EXOC4: variants seen among roughly 807,000 people sequenced by gnomAD.
EXOC4 encodes SEC8-like 1.
EXOC4 carries 71 observed loss-of-function variants against 107.2 expected under a neutral mutation model. The ratio of observed to expected loss-of-function variants is 0.66; its 90% CI spans 0.55 to 0.81. EXOC4 has a LOEUF of 0.81. EXOC4 is among the 30% of genes least tolerant of loss of function. The pLI, the probability that EXOC4 is intolerant of heterozygous loss-of-function variation, is 0.00. For missense variants in EXOC4, 1,108 were observed against 1,189.6 expected (o/e 0.93, Z 1.01); for synonymous variants, 456 against 441.2 (o/e 1.03, Z -0.42).
intron 7 of EXOC4, among the ~76,000 whole-genome samples, chr7:133,466,375 A>G (rs968362911): frequency 2.0e-5 from 3 of 152,122 alleles, no homozygotes; most frequent in Admixed American, 6.5e-5. Flanking sequence ...AAAATCAGGA[A>G]ATGAAAGAGG....
chr7:134,040,847 A>G (rs757500571), intron 17 of EXOC4, among the ~76,000 whole-genome samples: 6 of 152,350 alleles, frequency 3.9e-5, no homozygotes, highest in African/African-American at 7.2e-5. Flanking sequence ...ACTATCATCA[A>G]TGGTACTAGT....
chr7:133,287,024 C>T (rs1340002270), intron 2 of EXOC4, among the ~76,000 whole-genome samples: 1 of 152,148 alleles, frequency 6.6e-6, no homozygotes, highest in Non-Finnish European at 1.5e-5. Flanking sequence ...TACTTGGTGC[C>T]TCCTTTTTGG....
In EXOC4 at chr7:133,666,955, A is replaced by C. The variant is rs571404639; in HGVS notation, c.1514+36814A>C. Among the ~76,000 whole-genome samples the C allele has an allele frequency of 2.6e-5, 4 of 152,256 alleles. No homozygotes were observed. The South Asian group carries it at 8.3e-4, about 32-fold the overall frequency. On this transcript the variant is annotated intron_variant, in intron 10 of 17. Coordinates refer to ENST00000253861, the MANE Select transcript of EXOC4 (RefSeq NM_021807.4). ...ACATGCATATATTGCATAGTGGTGA[A>C]GTCTGGACTTTTCCAGATGGGTGTC...
At position 133,289,050 on chromosome 7, in the gene EXOC4, G is replaced by T. The variant is rs778741092; in HGVS notation, c.405G>T (p.Lys135Asn). 5 of 1,614,198 alleles carry T rather than the reference G, an allele frequency of 3.1e-6. No homozygotes were observed. Among genetic ancestry groups the T allele is most frequent in the African/African-American group, 2.7e-5 (2 of 75,072 alleles). Residue 135 changes from lysine to asparagine, a missense_variant, in exon 3 of 18, where the codon AAG becomes AAT. Lys to Asn is a moderately conservative substitution (Grantham distance 94). Transcript: ENST00000253861. ...TGTTGGATGAAATTGAGAATATCAA[G>T]CAAGTGCCTCAAAAGCTGGAACAGT... ...LNLLDEIENIKQVPQKLEQCM... is the reference protein window; with the variant it reads ...LNLLDEIENINQVPQKLEQCM...
rs181867180 is a variant in EXOC4 at position 133,594,581 on chromosome 7, G to A, written c.1418-35464G>A. Among the ~76,000 whole-genome samples, 64 of 132,470 alleles carry A rather than the reference G, an allele frequency of 4.8e-4. 1 individual carries two copies. Among genetic ancestry groups the A allele is most frequent in the East Asian group, 2.1e-3 (9 of 4,312 alleles). 86.9% of individuals were successfully genotyped at this position (132,470 alleles called of 152,430 possible). ...GTGATCTTGGCTCACTGCAATCTCCGCCTCCTGGTTCAAGCGATTCTCCTG... is the reference window on the plus strand; with the variant it reads ...GTGATCTTGGCTCACTGCAATCTCCACCTCCTGGTTCAAGCGATTCTCCTG... On this transcript the variant is annotated intron_variant, in intron 9 of 17. Transcript: ENST00000253861.
At chr7:133,375,956 A>G (rs192066556) in intron 7 of EXOC4, among the ~76,000 whole-genome samples, 1 of 152,388 alleles carries the variant, frequency 6.6e-6, no homozygotes, top group Admixed American at 6.5e-5. Context: ...ATAACTAAAT[A>G]GAAGTAACTT....
At chr7:133,433,936 C>T (rs1466889182) in intron 7 of EXOC4, among the ~76,000 whole-genome samples, 1 of 152,092 alleles carries the variant, frequency 6.6e-6, no homozygotes, top group Non-Finnish European at 1.5e-5. Flanking sequence ...GTTGTTGGAT[C>T]AGCTAGTTGT....
intron 9 of EXOC4, among the ~76,000 whole-genome samples, chr7:133,554,219 A>G (rs1361361086): frequency 6.6e-6 from 1 of 152,158 alleles, no homozygotes; most frequent in Non-Finnish European, 1.5e-5. Context: ...CTGTACTACT[A>G]TAGATTGATG....
chr7:133,573,882 T>C (rs947198365), intron 9 of EXOC4, among the ~76,000 whole-genome samples: 1 of 152,236 alleles, frequency 6.6e-6, no homozygotes, highest in Non-Finnish European at 1.5e-5. Context: ...TAGGTTCCTG[T>C]GTTAAGTACA....
At chr7:133,901,536 C>G (rs1799451030) in intron 12 of EXOC4, among the ~76,000 whole-genome samples, 1 of 152,228 alleles carries the variant, frequency 6.6e-6, no homozygotes, top group South Asian at 2.1e-4. Flanking sequence ...GCTCCTCAGC[C>G]TCTCTGCCTT....
At position 133,969,472 on chromosome 7, in the gene EXOC4, G is replaced by A. The variant is rs1487985527; in HGVS notation, c.2207-28020G>A. On this transcript the variant is annotated intron_variant, in intron 14 of 17. Coordinates refer to ENST00000253861, the MANE Select transcript of EXOC4 (RefSeq NM_021807.4). ...TGTGTGCTGGTTTTTCCTCATCTTC[G>A]TGGATTTATCTACCTTGTTCTTGGA... Among the ~76,000 whole-genome samples, 5 of 152,240 alleles carry A rather than the reference G, an allele frequency of 3.3e-5. No homozygotes were observed. The South Asian group carries it at 6.2e-4, about 19-fold the overall frequency.
At chr7:133,396,796 A>C (rs1796979211) in intron 7 of EXOC4, among the ~76,000 whole-genome samples, 1 of 152,216 alleles carries the variant, frequency 6.6e-6, no homozygotes, top group Admixed American at 6.5e-5. Flanking sequence ...AAATAAGCAT[A>C]GTGGAGTGAC....
intron 9 of EXOC4, among the ~76,000 whole-genome samples, chr7:133,504,103 A>G (rs538642913): frequency 2.0e-5 from 3 of 152,270 alleles, no homozygotes; most frequent in Admixed American, 1.3e-4. Flanking sequence ...GAGGAAAACA[A>G]TGTAACAACT....
At chr7:133,424,188 T>C (rs1448479153) in intron 7 of EXOC4, among the ~76,000 whole-genome samples, 1 of 152,098 alleles carries the variant, frequency 6.6e-6, no homozygotes, top group East Asian at 1.9e-4. Flanking sequence ...CACGCTCTGG[T>C]AGCTTTCTCT....
At chr7:133,409,060 C>T (rs1797295795) in intron 7 of EXOC4, among the ~76,000 whole-genome samples, 1 of 152,156 alleles carries the variant, frequency 6.6e-6, no homozygotes, top group African/African-American at 2.4e-5. Context: ...GGATAAACCT[C>T]CCAGTAGGTT....
intron 9 of EXOC4, among the ~76,000 whole-genome samples, chr7:133,611,503 TA>T (rs1158217006): frequency 6.6e-6 from 1 of 152,174 alleles, no homozygotes; most frequent in Non-Finnish European, 1.5e-5. Context: ...GTACTTCGGA[TA>T]AAAAATGTCT....
chr7:133,533,618 G>GA (rs1245989215), intron 9 of EXOC4, among the ~76,000 whole-genome samples: 2 of 152,092 alleles, frequency 1.3e-5, no homozygotes, highest in Non-Finnish European at 2.9e-5. Flanking sequence ...GTGCAGTATG[G>GA]ATTATTTATG....
intron 11 of EXOC4, among the ~76,000 whole-genome samples, chr7:133,841,734 G>A (rs1798028263): frequency 6.6e-6 from 1 of 152,154 alleles, no homozygotes; most frequent in African/African-American, 2.4e-5. Flanking sequence ...TGTTGCAGGG[G>A]TTTGATATAC....
At chr7:133,538,300 G>C (rs887292087) in intron 9 of EXOC4, among the ~76,000 whole-genome samples, 4 of 152,166 alleles carry the variant, frequency 2.6e-5, no homozygotes, top group African/African-American at 9.7e-5. Context: ...TCTCTATACA[G>C]TATGATTCAG....
Sources: gnomAD v4.1 joint callset for allele counts (sites outside exome capture counted in the v4.1 genomes callset) on GRCh38, gnomAD v4.1.1 for gene constraint, MANE v1.5 for transcripts, NCBI Gene and HGNC (gene_info 2026-07-23, HGNC 2026-07-21) for gene names.